RABGAP1: variants seen among roughly 807,000 people sequenced by gnomAD.
The protein encoded by RABGAP1 is rab GTPase-activating protein 1.
Under a neutral mutation model 137.6 loss-of-function variants are expected in RABGAP1, and 23 were observed. The observed-to-expected ratio is 0.17, with a 90% CI of 0.12 to 0.24. RABGAP1 has a LOEUF of 0.24. RABGAP1 is among the 10% of genes least tolerant of loss of function. RABGAP1 has a pLI of 1.00. For missense variants in RABGAP1, 906 were observed against 1,275.8 expected (o/e 0.71, Z 4.42); for synonymous variants, 451 against 450.7 (o/e 1.00, Z -0.01).
intron 21 of RABGAP1, among the ~76,000 whole-genome samples, chr9:123,093,323 AAG>A (rs2035083619): frequency 6.6e-6 from 1 of 152,208 alleles, no homozygotes; most frequent in East Asian, 1.9e-4. Flanking sequence ...GACCCCAATC[AAG>A]CTTTCTGTAT....
At chr9:123,090,169 ATTG>A in intron 20 of RABGAP1, 103 bp from the exon 21 acceptor site, 1 of 824,264 alleles carries the variant, frequency 1.2e-6, no homozygotes, top group Non-Finnish European at 1.9e-6. Flanking sequence ...CATTTCTCTT[ATTG>A]TTTCCATAGG....
chr9:122,970,453 A>C lies in RABGAP1; in HGVS notation c.150+13244A>C, dbSNP rs150304497. Among the ~76,000 whole-genome samples the C allele has an allele frequency of 3.4e-4, 52 of 152,274 alleles. 3 individuals carry two copies. The East Asian group carries it at 9.8e-3, about 29-fold the overall frequency. On this transcript the variant is annotated intron_variant, in intron 2 of 25. Coordinates refer to ENST00000373647, the MANE Select transcript of RABGAP1 (RefSeq NM_012197.4). ...TAGTGATACCCTGTCTTAAAAAAGA[A>C]ATGTTTTTTTAAACTTTTATTTTAG... is the stretch of plus-strand genomic sequence containing the variant.
Position 122,990,071 on chromosome 9 carries a change from T to C in RABGAP1, c.781T>C (p.Tyr261His), listed in dbSNP as rs770489621. ...CTGGTTGTAGGTAAGCCGGATACTT[T>C]ACAGTTTTGCCACTGCCTTCCGCCG... ...EIQEAVSRIL[Y>H]SFATAFRRSA... The change falls in exon 6 of 26, where the codon TAC becomes CAC. Residue 261 changes from tyrosine to histidine, a missense_variant. Physicochemically the swap from Tyr to His is moderately conservative, Grantham distance 83. Coordinates refer to ENST00000373647, the MANE Select transcript of RABGAP1 (RefSeq NM_012197.4). 6.2e-6 allele frequency: 10 copies of C among 1,607,904 alleles called. No homozygotes were observed. Among genetic ancestry groups the C allele is most frequent in the South Asian group, 4.4e-5 (4 of 90,784 alleles).
At position 123,070,317 on chromosome 9, in the gene RABGAP1, A is replaced by AT. The variant is rs768357039; in HGVS notation, c.1909-30dup. ...CCATGGCCCACAAGTGGCTACATTC[A>AT]TTTACATTTCCTCTGTGTGTTTTAT... On this transcript the variant is annotated intron_variant, in intron 14 of 25. Transcript: ENST00000373647. This position sits in a 1 kb window ranked among gnomAD's most constrained non-coding sequence, Gnocchi z 4.4. The AT allele has an allele frequency of 8.1e-6, 13 of 1,613,116 alleles. No individual in the cohort carries two copies. In the African/African-American group the frequency reaches 1.7e-4, roughly 22 times the overall value.
intron 15 of RABGAP1, among the ~76,000 whole-genome samples, chr9:123,071,705 C>T (rs1270311201): frequency 1.3e-5 from 2 of 152,106 alleles, no homozygotes; most frequent in Non-Finnish European, 2.9e-5. Context: ...AAGGAGCAGC[C>T]TGGAAAATGA....
intron 11 of RABGAP1, 142 bp from the exon 12 acceptor site, chr9:123,015,401 C>T: frequency 2.6e-6 from 1 of 391,652 alleles, no homozygotes; most frequent in Non-Finnish European, 4.6e-6. Context: ...TTTCTTTGTA[C>T]CTATCCATAA....
At chr9:123,011,905 A>C (rs2030841847) in intron 11 of RABGAP1, among the ~76,000 whole-genome samples, 1 of 152,218 alleles carries the variant, frequency 6.6e-6, no homozygotes, top group African/African-American at 2.4e-5. Flanking sequence ...CAGTGAGCCA[A>C]GGCTGCGCCA....
At chr9:122,934,048 C>T in the RABGAP1 span, among the ~76,000 whole-genome samples, 1 of 151,676 alleles carries the variant, frequency 6.6e-6, no homozygotes, top group Non-Finnish European at 1.5e-5. Context: ...AGCCACTGTA[C>T]CTGGCCCTTT....
chr9:122,996,559 G>A lies in RABGAP1; in HGVS notation c.1055G>A (p.Ser352Asn). 6.2e-7 allele frequency: 1 copy of A among 1,609,126 alleles called. No homozygotes were observed. Among genetic ancestry groups the A allele is most frequent in the Non-Finnish European group, 8.5e-7 (1 of 1,177,376 alleles). ...TGTAGGTGTTTTGGTCTTCTCCTTA[G>A]TCCAGGAAAAGATGTACGAAATAGT... ...AIERCFGLLL[S>N]PGKDVRNSDM... Residue 352 changes from serine to asparagine, a missense_variant, in exon 8 of 26, where the codon AGT (serine) becomes AAT (asparagine). Ser to Asn is a conservative substitution (Grantham distance 46). This residue lies in a region of RABGAP1 where 212 missense variants were observed against 289.4 expected (regional missense o/e 0.73). Coordinates refer to ENST00000373647, the MANE Select transcript of RABGAP1 (RefSeq NM_012197.4).
intron 4 of RABGAP1, among the ~76,000 whole-genome samples, chr9:122,987,417 ATCT>A (rs1836429194): frequency 1.3e-5 from 2 of 152,132 alleles, no homozygotes; most frequent in Non-Finnish European, 2.9e-5. Context: ...GCTTATTAAG[ATCT>A]TCTTTGCATA....
intron 13 of RABGAP1, among the ~76,000 whole-genome samples, chr9:123,065,065 C>A (rs1307391058): frequency 6.6e-6 from 1 of 152,154 alleles, no homozygotes. Flanking sequence ...TTCCATCTTA[C>A]AATAGAAGGG....
intron 2 of RABGAP1, among the ~76,000 whole-genome samples, chr9:122,965,769 A>C (rs62580262): frequency 0.067 from 10,153 of 152,290 alleles, 399 homozygotes; most frequent in African/African-American, 0.083. Flanking sequence ...ACCATTGAAC[A>C]TACATTTTAA....
intron 14 of RABGAP1, among the ~76,000 whole-genome samples, chr9:123,068,160 G>A (rs2034238662): frequency 6.6e-6 from 1 of 152,016 alleles, no homozygotes; most frequent in Non-Finnish European, 1.5e-5. Flanking sequence ...GACCAGCCTG[G>A]CCAACATGAT....
At chr9:123,005,055 T>G (rs1031423556) in intron 10 of RABGAP1, among the ~76,000 whole-genome samples, 3 of 12,398 alleles carry the variant, frequency 2.4e-4, no homozygotes, top group East Asian at 2.9e-3. Flanking sequence ...AAACTCCATC[T>G]CAAAAAAAAA....
At chr9:123,071,181 T>C (rs2034343723) in intron 15 of RABGAP1, among the ~76,000 whole-genome samples, 1 of 152,228 alleles carries the variant, frequency 6.6e-6, no homozygotes, top group South Asian at 2.1e-4. Flanking sequence ...TGATACACAA[T>C]ACACATTCAA....
At chr9:123,053,531 C>T (rs1020352161) in intron 13 of RABGAP1, among the ~76,000 whole-genome samples, 3 of 152,096 alleles carry the variant, frequency 2.0e-5, no homozygotes, top group African/African-American at 7.2e-5. Flanking sequence ...AAAATGACTT[C>T]TGATAAGCAG....
chr9:123,089,631 T>C (rs2034977192), intron 19 of RABGAP1, 127 bp from the exon 20 acceptor site: 4 of 690,712 alleles, frequency 5.8e-6, no homozygotes, highest in East Asian at 5.4e-5. Context: ...TCCAAAAAAA[T>C]AGGAAATACC....
chr9:122,977,598 C>T (rs541260839), intron 2 of RABGAP1, among the ~76,000 whole-genome samples: 3 of 152,134 alleles, frequency 2.0e-5, no homozygotes, highest in African/African-American at 4.8e-5. Context: ...CTCAGCTACT[C>T]GGGAGGCTGA....
At chr9:122,944,326 C>A (rs1284841590) in intron 1 of RABGAP1, among the ~76,000 whole-genome samples, 1 of 150,106 alleles carries the variant, frequency 6.7e-6, no homozygotes, top group Admixed American at 6.6e-5. Flanking sequence ...AACTTCTGGG[C>A]ACCAGTGATC....
Sources: allele counts gnomAD v4.1 joint callset (sites outside exome capture counted in the v4.1 genomes callset), GRCh38; gene constraint gnomAD v4.1.1; regional missense constraint gnomAD v4.1.1; non-coding constraint Gnocchi (gnomAD v3.1); transcripts MANE v1.5; gene names NCBI Gene and HGNC (gene_info 2026-07-23, HGNC 2026-07-21).